The following SLIT3 variants were observed in gnomAD, a reference collection of about 807,000 sequenced individuals.
SLIT3 encodes slit guidance ligand 3.
SLIT3 carries 68 observed loss-of-function variants against 184.0 expected under a neutral mutation model. The observed-to-expected ratio is 0.37, with a 90% CI of 0.30 to 0.45. The LOEUF (loss-of-function observed/expected upper bound fraction) is 0.45, where lower values mean the gene tolerates loss of function less well. Among genes scored for constraint, SLIT3 ranks in the 20% least tolerant of loss-of-function variants. The pLI, the probability that SLIT3 is intolerant of heterozygous loss-of-function variation, is 1.00. For synonymous variants in SLIT3, 831 were observed against 828.6 expected, an observed-to-expected ratio of 1.00 and a Z score of -0.05; for missense variants, 1,707 against 2,026.0, an observed-to-expected ratio of 0.84 and a Z score of 3.02.
chr5:168,947,885 T>C (rs748788559), intron 4 of SLIT3, among the ~76,000 whole-genome samples: 23 of 152,186 alleles, frequency 1.5e-4, no homozygotes, highest in Middle Eastern at 3.4e-3. Context: ...CTCTGTCTCC[T>C]GGGTTCAAAA....
chr5:169,184,374 A>T (rs1402264943), intron 4 of SLIT3, among the ~76,000 whole-genome samples: 1 of 152,168 alleles, frequency 6.6e-6, no homozygotes, highest in Non-Finnish European at 1.5e-5. Flanking sequence ...AGTGAGTGAA[A>T]CTCAAGCCCA....
Position 168,770,653 on chromosome 5 carries a change from A to AC in SLIT3, c.1459+2127_1459+2128insG, listed in dbSNP as rs369282553. Among the ~76,000 whole-genome samples the AC allele has an allele frequency of 4.4e-5, 5 of 114,382 alleles. No homozygotes were observed. The South Asian group carries it at 9.8e-4, about 22-fold the overall frequency. 75.0% of individuals were successfully genotyped at this position (114,382 alleles called of 152,430 possible). Reference sequence around the variant, plus strand: ...TTTTAGGAATAATCTTTCGCTTAGCATTGTTTTTTTTTTTAAAAAAGGTAT... The same window carrying AC: ...TTTTAGGAATAATCTTTCGCTTAGCACTTGTTTTTTTTTTTAAAAAAGGTAT... On this transcript the variant is annotated intron_variant, in intron 14 of 35. Coordinates refer to ENST00000519560, the MANE Select transcript of SLIT3 (RefSeq NM_003062.4).
chr5:169,143,955 G>A (rs1761839317), intron 4 of SLIT3, among the ~76,000 whole-genome samples: 2 of 152,184 alleles, frequency 1.3e-5, no homozygotes, highest in Admixed American at 6.5e-5. Context: ...AAAGTAGAAT[G>A]TCCTATTCTC....
At chr5:169,201,097 G>A (rs1234146011) in intron 3 of SLIT3, among the ~76,000 whole-genome samples, 1 of 152,120 alleles carries the variant, frequency 6.6e-6, no homozygotes, top group Admixed American at 6.5e-5. Flanking sequence ...TATTTTGATG[G>A]CTTAGCTGCA....
intron 3 of SLIT3, among the ~76,000 whole-genome samples, chr5:169,201,134 G>A (rs559719281): frequency 6.6e-6 from 1 of 152,142 alleles, no homozygotes; most frequent in African/African-American, 2.4e-5. Context: ...GTCTTCCATG[G>A]TATTCAGTAT....
Position 168,774,218 on chromosome 5 carries a change from C to T in SLIT3, c.1295+17G>A, listed in dbSNP as rs200216826. ...TGCTGCTTGGGCACCCACTGGCACCCGAGGCAGTGTACTCACAGTGTCTGG... is the reference window on the plus strand; with the variant it reads ...TGCTGCTTGGGCACCCACTGGCACCTGAGGCAGTGTACTCACAGTGTCTGG... On this transcript the variant is annotated intron_variant, in intron 13 of 35. Coordinates refer to ENST00000519560, the MANE Select transcript of SLIT3 (RefSeq NM_003062.4). 255 of 1,581,240 alleles carry T rather than the reference C, an allele frequency of 1.6e-4. 1 individual carries two copies. Among genetic ancestry groups the T allele is most frequent in the African/African-American group, 3.7e-4 (27 of 73,870 alleles).
Position 169,281,476 on chromosome 5 carries a change from A to G in SLIT3, c.197+19037T>C, listed in dbSNP as rs142349855. Reference sequence around the variant, plus strand: ...GGCAACAGAGCAAGAATCTGTCTCAACTCGACCCAGCTTTGCTCATTGATC... The same window carrying G: ...GGCAACAGAGCAAGAATCTGTCTCAGCTCGACCCAGCTTTGCTCATTGATC... On this transcript the variant is annotated intron_variant, in intron 1 of 35. Transcript: ENST00000519560. Among the ~76,000 whole-genome samples the G allele has an allele frequency of 3.5e-3, 531 of 152,172 alleles. 4 individuals are homozygous for G. The highest frequency in any genetic ancestry group is 0.012 in the African/African-American group (489 of 41,498).
At chr5:168,933,060 C>T (rs902998611) in intron 4 of SLIT3, among the ~76,000 whole-genome samples, 1 of 152,220 alleles carries the variant, frequency 6.6e-6, no homozygotes, top group East Asian at 1.9e-4. Context: ...ATCAATGGAT[C>T]AAGAGAAGCT....
At chr5:168,753,234 G>A in intron 17 of SLIT3, 136 bp from the exon 18 acceptor site, 1 of 884,828 alleles carries the variant, frequency 1.1e-6, no homozygotes, top group South Asian at 1.7e-5. Context: ...TGTTGATCAG[G>A]TTTGTCCTGT....
chr5:168,690,441 A>G (rs757111778), intron 29 of SLIT3, among the ~76,000 whole-genome samples: 5 of 152,122 alleles, frequency 3.3e-5, no homozygotes, highest in Non-Finnish European at 7.4e-5. Flanking sequence ...TCTCCTCTCC[A>G]TGGGCAGATC....
chr5:169,225,344 G>A lies in SLIT3; in HGVS notation c.341+19361C>T, dbSNP rs113085313. Among the ~76,000 whole-genome samples the A allele has an allele frequency of 7.6e-3, 1,159 of 152,360 alleles. 14 individuals are homozygous for A. The highest frequency in any genetic ancestry group is 0.027 in the African/African-American group (1,117 of 41,588). The stretch of plus-strand genomic sequence containing the variant: ...CAGCAAAATCTCTCTAACTGGAGAT[G>A]TAAGGACAATGGCAGGGGCAACACA... On this transcript the variant is annotated intron_variant, in intron 3 of 35. Transcript: ENST00000519560.
chr5:168,707,955 G>A (rs1049476862), intron 26 of SLIT3, 21 bp downstream of exon 26: 1 of 1,613,928 alleles, frequency 6.2e-7, no homozygotes, highest in African/African-American at 1.3e-5. Flanking sequence ...TGAACACGGG[G>A]GGGCAGGGCC....
chr5:169,034,518 C>A (rs944798082), intron 4 of SLIT3, among the ~76,000 whole-genome samples: 1 of 152,140 alleles, frequency 6.6e-6, no homozygotes, highest in African/African-American at 2.4e-5. Flanking sequence ...ATCCTTTTCC[C>A]ATTGTGTCCT....
At chr5:169,011,303 AG>A (rs1365068965) in intron 4 of SLIT3, among the ~76,000 whole-genome samples, 1 of 152,212 alleles carries the variant, frequency 6.6e-6, no homozygotes, top group African/African-American at 2.4e-5. Flanking sequence ...TGTGTAAAAA[AG>A]CCAGAACTAT....
chr5:169,251,336 G>T, intron 2 of SLIT3, 52 bp downstream of exon 2: 1 of 1,281,392 alleles, frequency 7.8e-7, no homozygotes, highest in South Asian at 1.2e-5. Context: ...ATTTTTTTGT[G>T]AGGCTGAAGA....
chr5:169,188,657 G>T (rs925876906), intron 4 of SLIT3, among the ~76,000 whole-genome samples: 1 of 152,146 alleles, frequency 6.6e-6, no homozygotes, highest in Admixed American at 6.5e-5. Flanking sequence ...CCCAGCATAC[G>T]CACTACTCTC....
chr5:169,076,639 T>C (rs1412304268), intron 4 of SLIT3, among the ~76,000 whole-genome samples: 1 of 152,204 alleles, frequency 6.6e-6, no homozygotes, highest in Non-Finnish European at 1.5e-5. Flanking sequence ...AAATTTGTCT[T>C]GAGAGCCTGA....
intron 4 of SLIT3, among the ~76,000 whole-genome samples, chr5:169,160,086 C>A (rs1308464861): frequency 6.6e-6 from 1 of 152,208 alleles, no homozygotes; most frequent in African/African-American, 2.4e-5. Flanking sequence ...AAAAACAAAT[C>A]TCTACCTTGT....
chr5:168,765,369 T>G (rs1755305870), intron 14 of SLIT3, among the ~76,000 whole-genome samples: 2 of 152,046 alleles, frequency 1.3e-5, no homozygotes, highest in Admixed American at 1.3e-4. Flanking sequence ...TTTCCAGCAT[T>G]TTTCCCCCTG....
Sources: gnomAD v4.1 joint callset for allele counts (sites outside exome capture counted in the v4.1 genomes callset) on GRCh38, gnomAD v4.1.1 for gene constraint, MANE v1.5 for transcripts, NCBI Gene and HGNC (gene_info 2026-07-23, HGNC 2026-07-21) for gene names.